The following SUGCT variants were observed in gnomAD, a reference collection of about 807,000 sequenced individuals.
The protein encoded by SUGCT is succinyl-CoA:glutarate-CoA transferase.
In SUGCT, 41 loss-of-function variants were observed where a neutral mutation model predicts 55.0. The ratio of observed to expected loss-of-function variants is 0.74; its 90% CI spans 0.58 to 0.97. The LOEUF (loss-of-function observed/expected upper bound fraction) is 0.97, where lower values mean the gene tolerates loss of function less well. Ranked by LOEUF, SUGCT falls within the 50% of genes least tolerant of loss-of-function variation. The pLI is 0.00. For synonymous variants in SUGCT, 187 were observed against 200.4 expected (o/e 0.93, Z 0.56); for missense variants, 568 against 547.8 (o/e 1.04, Z -0.37).
At chr7:40,731,246 C>G (rs1465239429) in intron 12 of SUGCT, among the ~76,000 whole-genome samples, 1 of 152,112 alleles carries the variant, frequency 6.6e-6, no homozygotes, top group Non-Finnish European at 1.5e-5. Flanking sequence ...GCTACATGGT[C>G]GAACATAATA....
At chr7:40,407,965 G>T (rs1786470323) in intron 9 of SUGCT, among the ~76,000 whole-genome samples, 1 of 152,026 alleles carries the variant, frequency 6.6e-6, no homozygotes, top group South Asian at 2.1e-4. Flanking sequence ...GATATTAATG[G>T]TTTATTGATT....
the SUGCT span, among the ~76,000 whole-genome samples, chr7:40,971,668 A>T: frequency 6.6e-6 from 1 of 152,118 alleles, no homozygotes; most frequent in East Asian, 1.9e-4. Flanking sequence ...TCTAAATGTT[A>T]GATTCTGAGA....
At chr7:40,210,871 A>C (rs1787295823) in intron 6 of SUGCT, among the ~76,000 whole-genome samples, 1 of 152,196 alleles carries the variant, frequency 6.6e-6, no homozygotes, top group South Asian at 2.1e-4. Context: ...AGGGTGGAGC[A>C]GGTGATCAGA....
chr7:40,641,228 CT>C (rs1562919973), intron 12 of SUGCT, among the ~76,000 whole-genome samples: 1 of 152,150 alleles, frequency 6.6e-6, no homozygotes, highest in Non-Finnish European at 1.5e-5. Flanking sequence ...GGCTTGGTAT[CT>C]GTTAATTTCT....
intron 12 of SUGCT, among the ~76,000 whole-genome samples, 179 bp from the exon 13 acceptor site, chr7:40,749,255 A>G (rs755013234): frequency 7.2e-5 from 11 of 152,174 alleles, no homozygotes; most frequent in South Asian, 2.1e-4. Context: ...CATTTGGTGT[A>G]TTATAGGATG....
intron 9 of SUGCT, among the ~76,000 whole-genome samples, chr7:40,332,748 C>G (rs1584702584): frequency 1.3e-5 from 2 of 152,194 alleles, no homozygotes; most frequent in Admixed American, 1.3e-4. Context: ...AGAAAATGAG[C>G]TCTGTGTGTA....
In SUGCT at chr7:40,639,762, C is replaced by T. The variant is rs186580622; in HGVS notation, c.1090-109672C>T. 1.1e-4 allele frequency among the ~76,000 whole-genome samples: 16 copies of T among 152,080 alleles called. No individual in the cohort carries two copies. In the East Asian group the frequency reaches 2.7e-3, roughly 26 times the overall value. On this transcript the variant is annotated intron_variant, in intron 12 of 13. Transcript: ENST00000335693. Reference sequence around the variant, plus strand: ...TCCTGACCTCAGGTGATCCGCCCACCTCGGCCTCCCAAAGTGCTGGGATTA... The same window carrying T: ...TCCTGACCTCAGGTGATCCGCCCACTTCGGCCTCCCAAAGTGCTGGGATTA...
chr7:40,680,219 G>T (rs899734570), intron 12 of SUGCT, among the ~76,000 whole-genome samples: 1 of 152,112 alleles, frequency 6.6e-6, no homozygotes, highest in Admixed American at 6.5e-5. Flanking sequence ...GTAATAGATG[G>T]ATTTCTTTTA....
At chr7:41,018,434 T>G in the SUGCT span, among the ~76,000 whole-genome samples, 1 of 152,156 alleles carries the variant, frequency 6.6e-6, no homozygotes, top group East Asian at 1.9e-4. Context: ...TGAGGAAGCA[T>G]GGCAGGGAAT....
intron 9 of SUGCT, among the ~76,000 whole-genome samples, chr7:40,425,759 C>G (rs1470507061): frequency 6.6e-6 from 1 of 152,000 alleles, no homozygotes; most frequent in African/African-American, 2.4e-5. Context: ...CAGGTATGTT[C>G]ACATAACAAT....
chr7:40,542,912 G>C (rs544956394), intron 12 of SUGCT, among the ~76,000 whole-genome samples: 289 of 152,256 alleles, frequency 1.9e-3, no homozygotes, highest in African/African-American at 6.3e-3. Flanking sequence ...CAAGCATTCT[G>C]AAAAGGAATG....
At chr7:40,624,665 T>C (rs1345735048) in intron 12 of SUGCT, among the ~76,000 whole-genome samples, 3 of 152,004 alleles carry the variant, frequency 2.0e-5, no homozygotes, top group South Asian at 4.1e-4. Flanking sequence ...TAGACTCCTA[T>C]CACGAGTAGA....
chr7:40,964,686 A>G, the SUGCT span: 2 of 152,222 alleles, frequency 1.3e-5, no homozygotes, highest in Non-Finnish European at 2.9e-5. Context: ...CAGAAGGTGA[A>G]TACTTAATTC....
chr7:40,873,791 C>T, the SUGCT span, among the ~76,000 whole-genome samples: 1 of 152,176 alleles, frequency 6.6e-6, no homozygotes, highest in Non-Finnish European at 1.5e-5. Flanking sequence ...CATCAAGGAA[C>T]TTAAAACCAA....
intron 12 of SUGCT, among the ~76,000 whole-genome samples, chr7:40,535,769 T>G (rs1794328176): frequency 6.6e-6 from 1 of 152,164 alleles, no homozygotes; most frequent in Non-Finnish European, 1.5e-5. Context: ...ACTCCTGACC[T>G]CAGGTGATCC....
chr7:40,308,562 G>A (rs971542008), intron 8 of SUGCT, among the ~76,000 whole-genome samples: 3 of 152,080 alleles, frequency 2.0e-5, no homozygotes, highest in Admixed American at 2.0e-4. Flanking sequence ...GGACCCATAT[G>A]ATATGGCCCT....
intron 6 of SUGCT, among the ~76,000 whole-genome samples, chr7:40,212,199 C>T (rs1024782617): frequency 4.6e-5 from 7 of 151,678 alleles, no homozygotes; most frequent in African/African-American, 1.7e-4. Flanking sequence ...ATCCTTCCAC[C>T]TCGGTCTCCC....
intron 12 of SUGCT, among the ~76,000 whole-genome samples, chr7:40,521,373 T>C (rs965334795): frequency 6.6e-6 from 1 of 152,144 alleles, no homozygotes; most frequent in African/African-American, 2.4e-5. Flanking sequence ...CCTTTCCACA[T>C]GATTATAATT....
At chr7:40,715,549 C>G (rs999617565) in intron 12 of SUGCT, among the ~76,000 whole-genome samples, 1 of 152,104 alleles carries the variant, frequency 6.6e-6, no homozygotes, top group Admixed American at 6.5e-5. Context: ...TTTGCCCCCC[C>G]TCATGTGTTT....
Sources: allele counts gnomAD v4.1 joint callset (sites outside exome capture counted in the v4.1 genomes callset), GRCh38; gene constraint gnomAD v4.1.1; transcripts MANE v1.5; gene names NCBI Gene and HGNC (gene_info 2026-07-23, HGNC 2026-07-21).